The following TAOK3 variants were observed in gnomAD, a reference collection of about 807,000 sequenced individuals.
The protein encoded by TAOK3 is TAO kinase 3.
Under a neutral mutation model 120.4 loss-of-function variants are expected in TAOK3, and 40 were observed. The ratio of observed to expected loss-of-function variants is 0.33; its 90% confidence interval spans 0.26 to 0.43. TAOK3 has a LOEUF of 0.43. TAOK3 is among the 20% of genes least tolerant of loss of function. TAOK3 has a pLI of 1.00. For synonymous variants in TAOK3, 355 were observed against 387.5 expected, an observed-to-expected ratio of 0.92 and a Z score of 0.99; for missense variants, 821 against 1,112.1, an observed-to-expected ratio of 0.74 and a Z score of 3.72.
intron 1 of TAOK3, among the ~76,000 whole-genome samples, chr12:118,285,835 T>C (rs1041540564): frequency 5.3e-5 from 8 of 152,110 alleles, no homozygotes; most frequent in Admixed American, 2.6e-4. Context: ...TTTTGTACAT[T>C]CTAGGGAGAA....
intron 1 of TAOK3, among the ~76,000 whole-genome samples, chr12:118,330,634 A>G (rs2141017693): frequency 6.6e-6 from 1 of 152,240 alleles, no homozygotes; most frequent in East Asian, 1.9e-4. Context: ...GATAGCTGCT[A>G]ATAAAACTTT....
intron 1 of TAOK3, among the ~76,000 whole-genome samples, chr12:118,286,882 C>T (rs184366527): frequency 1.2e-4 from 18 of 152,318 alleles, no homozygotes; most frequent in African/African-American, 4.3e-4. Flanking sequence ...GGGATACTCT[C>T]AGCCATAAAA....
chr12:118,198,566 T>C (rs2037861348), intron 13 of TAOK3: 1 of 167,932 alleles, frequency 6.0e-6, no homozygotes, highest in Non-Finnish European at 1.3e-5. Flanking sequence ...TTTGTATTTT[T>C]AGTAAAGACG....
At chr12:118,164,543 G>A (rs1055726924) in intron 17 of TAOK3, among the ~76,000 whole-genome samples, 35 of 151,782 alleles carry the variant, frequency 2.3e-4, no homozygotes, top group African/African-American at 7.2e-4. Context: ...TCAGCCTCCC[G>A]AGTAGCTGGG....
chr12:118,210,262 A>T (rs2038553616), intron 11 of TAOK3, among the ~76,000 whole-genome samples: 1 of 152,114 alleles, frequency 6.6e-6, no homozygotes, highest in African/African-American at 2.4e-5. Context: ...AGCAATTTTT[A>T]AAAGGAAAGC....
rs2045881456 is a variant in TAOK3 at position 118,371,209 on chromosome 12, C to T, written c.-194+1439G>A. Among the ~76,000 whole-genome samples the T allele has an allele frequency of 6.6e-6, 1 of 152,298 alleles. No homozygotes were observed. The highest frequency in any genetic ancestry group is 2.1e-4 in the South Asian group (1 of 4,822). ...CTATCAAAGAAATATTCTTATTAATCTAAAACACGGGTCTCCAAAAGGATC... is the reference window on the plus strand; with the variant it reads ...CTATCAAAGAAATATTCTTATTAATTTAAAACACGGGTCTCCAAAAGGATC... On this transcript the variant is annotated intron_variant, in intron 1 of 20. Transcript: ENST00000392533. This position sits in a 1 kb window ranked among gnomAD's most constrained non-coding sequence, Gnocchi z 5.5.
At chr12:118,188,454 A>G (rs1423088513) in intron 14 of TAOK3, among the ~76,000 whole-genome samples, 1 of 152,222 alleles carries the variant, frequency 6.6e-6, no homozygotes, top group African/African-American at 2.4e-5. Flanking sequence ...TTTAAAATGA[A>G]AAATTGCTCA....
intron 13 of TAOK3, among the ~76,000 whole-genome samples, chr12:118,192,954 T>C (rs2037507362): frequency 6.6e-6 from 1 of 152,066 alleles, no homozygotes; most frequent in South Asian, 2.1e-4. Flanking sequence ...TAATTTATCT[T>C]TAAAACATTA....
chr12:118,245,421 A>G (rs2040449249), intron 3 of TAOK3, among the ~76,000 whole-genome samples: 1 of 151,962 alleles, frequency 6.6e-6, no homozygotes, highest in African/African-American at 2.4e-5. Flanking sequence ...GGTTCAAGCT[A>G]TTCTCCTGCT....
Position 118,255,501 on chromosome 12 carries a change from G to T in TAOK3, c.67C>A (p.Leu23Ile). 6.2e-7 allele frequency: 1 copy of T among 1,614,068 alleles called. No individual in the cohort carries two copies. ...DLFYKDDPEELFIGLHEIGHG... is the reference protein window; with the variant it reads ...DLFYKDDPEEIFIGLHEIGHG... ...CCAATTTCATGCAAACCAATAAAAAGTTCCTCAGGATCATCTTTGTAGAAT... is the reference window on the plus strand; with the variant it reads ...CCAATTTCATGCAAACCAATAAAAATTTCCTCAGGATCATCTTTGTAGAAT... The change falls in exon 3 of 21, where the codon CTT becomes ATT. Residue 23 changes from leucine (L) to isoleucine (I), a missense_variant. Leu to Ile is a conservative substitution (Grantham distance 5). Around this residue, in one of 2 missense-constraint regions of TAOK3, gnomAD observed 467 missense variants for 540.0 expected, o/e 0.86. Transcript: ENST00000392533.
At chr12:118,166,267 G>A (rs915104404) in intron 17 of TAOK3, among the ~76,000 whole-genome samples, 9 of 152,130 alleles carry the variant, frequency 5.9e-5, no homozygotes, top group Admixed American at 3.9e-4. Context: ...GGCCAGACGC[G>A]GTGGCTCATG....
In TAOK3 at chr12:118,150,877, TA is replaced by T; in HGVS notation, c.*119del. ...TAGTCCGACACGATGTCAGTAAGAG[TA>T]AGAGAGAGAGAGAGTGAGAGCAACG... On this transcript the variant is annotated 3_prime_UTR_variant, in exon 21 of 21. Coordinates refer to ENST00000392533, the MANE Select transcript of TAOK3 (RefSeq NM_016281.4). 2.9e-6 allele frequency: 3 copies of T among 1,034,970 alleles called. No individual in the cohort carries two copies. Among genetic ancestry groups the T allele is most frequent in the Non-Finnish European group, 4.1e-6 (3 of 732,684 alleles). 64.1% of individuals were successfully genotyped at this position (1,034,970 alleles called of 1,614,324 possible).
rs2045877275 is a variant in TAOK3 at position 118,371,022 on chromosome 12, A to G, written c.-194+1626T>C. ...GAAAATTTAGTTTGACCTTCCAACT[A>G]TCTCCAACAGATCAAAGTTAAACAG... On this transcript the variant is annotated intron_variant, in intron 1 of 20. Coordinates refer to ENST00000392533, the MANE Select transcript of TAOK3 (RefSeq NM_016281.4). The surrounding 1 kb of genome is among the most constrained non-coding windows in gnomAD (Gnocchi z 5.5). Among the ~76,000 whole-genome samples, 2 of 152,332 alleles carry G rather than the reference A, an allele frequency of 1.3e-5. 1 individual carries two copies.
chr12:118,307,400 C>T (rs1444098028), intron 1 of TAOK3, among the ~76,000 whole-genome samples: 1 of 152,188 alleles, frequency 6.6e-6, no homozygotes, highest in Non-Finnish European at 1.5e-5. Flanking sequence ...CTGTGTCCTC[C>T]TTCTTCCCTG....
chr12:118,368,740 A>C (rs1000069599), intron 1 of TAOK3, among the ~76,000 whole-genome samples: 1 of 150,380 alleles, frequency 6.6e-6, no homozygotes, highest in African/African-American at 2.4e-5. Context: ...AGGGAGGCGG[A>C]GGTTGCAGTG....
intron 1 of TAOK3, among the ~76,000 whole-genome samples, chr12:118,332,422 CTT>C (rs1336696969): frequency 6.6e-6 from 1 of 151,998 alleles, no homozygotes; most frequent in East Asian, 1.9e-4. Context: ...TTTTCTCAGT[CTT>C]TTATTTTTTT....
intron 1 of TAOK3, among the ~76,000 whole-genome samples, chr12:118,288,786 T>A (rs1051045841): frequency 1.1e-4 from 17 of 151,620 alleles, no homozygotes; most frequent in Non-Finnish European, 2.1e-4. Context: ...TGTGGCAGCA[T>A]GCACCTGTAA....
chr12:118,309,202 G>A (rs971618346), intron 1 of TAOK3, among the ~76,000 whole-genome samples: 25 of 151,556 alleles, frequency 1.6e-4, no homozygotes, highest in Admixed American at 9.2e-4. Flanking sequence ...GGTGCTGCAT[G>A]TCTGTAATCC....
intron 3 of TAOK3, among the ~76,000 whole-genome samples, chr12:118,255,136 C>G (rs1305621734): frequency 1.3e-5 from 2 of 152,050 alleles, no homozygotes; most frequent in East Asian, 3.9e-4. Context: ...TGAATAAAGC[C>G]TAGGATTCTG....
Sources: gnomAD v4.1 joint callset for allele counts (sites outside exome capture counted in the v4.1 genomes callset) on GRCh38, gnomAD v4.1.1 for gene constraint, gnomAD v4.1.1 regional missense constraint, Gnocchi (gnomAD v3.1) non-coding constraint, MANE v1.5 for transcripts, NCBI Gene and HGNC (gene_info 2026-07-23, HGNC 2026-07-21) for gene names.